HNF4A: variants seen among roughly 807,000 people sequenced by gnomAD.
HNF4A encodes hepatocyte nuclear factor 4 alpha.
HNF4A carries 15 observed loss-of-function variants against 52.4 expected under a neutral mutation model. The observed-to-expected ratio is 0.29, with a 90% confidence interval of 0.19 to 0.44. The LOEUF is 0.44. Among genes scored for constraint, HNF4A ranks in the 20% least tolerant of loss-of-function variants. The pLI is 1.00. For missense variants in HNF4A, 479 were observed against 647.2 expected, an observed-to-expected ratio of 0.74 and a Z score of 2.82; for synonymous variants, 280 against 264.4, an observed-to-expected ratio of 1.06 and a Z score of -0.57.
At chr20:44,404,868 T>C (rs202100053) in intron 1 of HNF4A, among the ~76,000 whole-genome samples, 63 of 8,886 alleles carry the variant, frequency 7.1e-3, no homozygotes, top group African/African-American at 0.015. Context: ...TGTGTGCGCG[T>C]GTGTGTGACT....
intron 1 of HNF4A, among the ~76,000 whole-genome samples, chr20:44,358,566 T>C (rs1428418430): frequency 2.0e-5 from 3 of 152,112 alleles, no homozygotes; most frequent in Non-Finnish European, 4.4e-5. Flanking sequence ...GCTGAGATCA[T>C]GCCACTGCCA....
At chr20:44,365,196 G>T (rs1399390700) in intron 1 of HNF4A, among the ~76,000 whole-genome samples, 1 of 151,934 alleles carries the variant, frequency 6.6e-6, no homozygotes, top group African/African-American at 2.4e-5. Flanking sequence ...TTTTGAAACA[G>T]GGTCTTGCTC....
At position 44,401,446 on chromosome 20, in the gene HNF4A, C is replaced by T; in HGVS notation, c.74C>T (p.Thr25Ile). 1.9e-6 allele frequency: 3 copies of T among 1,614,230 alleles called. No homozygotes were observed. The highest frequency in any genetic ancestry group is 2.5e-6 in the Non-Finnish European group (3 of 1,180,048). Residue 25 changes from threonine to isoleucine, a missense_variant, in exon 1 of 10, where the codon ACC becomes ATC. Around this residue, in one of 3 missense-constraint regions of HNF4A, gnomAD observed 90 missense variants for 105.5 expected, o/e 0.85. Transcript: ENST00000316099. Reference sequence around the variant, plus strand: ...GCTGCACTGGACCCAGCCTACACCACCCTGGAATTTGAGAATGTGCAGGTG... The same window carrying T: ...GCTGCACTGGACCCAGCCTACACCATCCTGGAATTTGAGAATGTGCAGGTG...
intron 1 of HNF4A, among the ~76,000 whole-genome samples, chr20:44,388,155 C>T (rs898034601): frequency 9.9e-5 from 15 of 151,690 alleles, no homozygotes; most frequent in Non-Finnish European, 1.6e-4. Context: ...GTGGCGCCAT[C>T]GTGGCTCACT....
At chr20:44,407,512 C>G in intron 3 of HNF4A, 37 bp downstream of exon 3, 1 of 1,313,532 alleles carries the variant, frequency 7.6e-7, no homozygotes, top group East Asian at 2.5e-5. Context: ...CACCACTGCC[C>G]CACCTGCACC....
At chr20:44,368,160 A>ATATATATTTT (rs1200638153) in intron 1 of HNF4A, among the ~76,000 whole-genome samples, 14 of 27,778 alleles carry the variant, frequency 5.0e-4, no homozygotes, top group African/African-American at 2.1e-3. Flanking sequence ...ATATATATAT[A>ATATATATTTT]TTTTTTTTTT....
intron 1 of HNF4A, among the ~76,000 whole-genome samples, chr20:44,403,954 G>A (rs2063446660): frequency 6.6e-6 from 1 of 152,130 alleles, no homozygotes; most frequent in Admixed American, 6.5e-5. Context: ...CGGGGGTCGG[G>A]GGAGGAGAGG....
chr20:44,375,317 G>T (rs1224939679), intron 1 of HNF4A, among the ~76,000 whole-genome samples: 3 of 152,050 alleles, frequency 2.0e-5, no homozygotes, highest in Non-Finnish European at 2.9e-5. Context: ...ACCTTTGTTG[G>T]ATTCAGAGTT....
chr20:44,362,237 T>C (rs2062924624), intron 1 of HNF4A, among the ~76,000 whole-genome samples: 1 of 151,970 alleles, frequency 6.6e-6, no homozygotes, highest in Middle Eastern at 3.2e-3. Flanking sequence ...CTAGTCAACA[T>C]GGTGAAACCC....
At chr20:44,415,498 C>T (rs2063650904) in intron 5 of HNF4A, among the ~76,000 whole-genome samples, 1 of 152,192 alleles carries the variant, frequency 6.6e-6, no homozygotes, top group South Asian at 2.1e-4. Context: ...GAAGCTCCTG[C>T]CCAGAGCACC....
chr20:44,387,979 C>T (rs1030283461), intron 1 of HNF4A, among the ~76,000 whole-genome samples: 2 of 152,024 alleles, frequency 1.3e-5, no homozygotes, highest in Admixed American at 1.3e-4. Context: ...TCTCTTTTGA[C>T]GACTGAGGAA....
intron 5 of HNF4A, among the ~76,000 whole-genome samples, chr20:44,415,042 T>C (rs1263155897): frequency 6.6e-6 from 1 of 152,148 alleles, no homozygotes; most frequent in Non-Finnish European, 1.5e-5. Context: ...CAGGGGGATG[T>C]TGACAGGGAC....
At chr20:44,381,381 A>G (rs2063151992) in intron 1 of HNF4A, among the ~76,000 whole-genome samples, 2 of 151,566 alleles carry the variant, frequency 1.3e-5, no homozygotes. Flanking sequence ...CCAGGGTTCA[A>G]ATGATTCTCC....
intron 1 of HNF4A, among the ~76,000 whole-genome samples, chr20:44,365,879 C>T (rs1479999191): frequency 1.3e-5 from 2 of 151,990 alleles, no homozygotes; most frequent in African/African-American, 2.4e-5. Flanking sequence ...TGGTGGTACA[C>T]GCCTGTAGTC....
chr20:44,418,382 C>T, intron 5 of HNF4A, 43 bp from the exon 6 acceptor site: 1 of 1,562,990 alleles, frequency 6.4e-7, no homozygotes, highest in Non-Finnish European at 8.8e-7. Flanking sequence ...GGGCAGCCTT[C>T]CCAAGGGTAC....
At chr20:44,428,884 T>C (rs1431762875) in intron 9 of HNF4A, among the ~76,000 whole-genome samples, 2 of 152,208 alleles carry the variant, frequency 1.3e-5, no homozygotes, top group African/African-American at 4.8e-5. Context: ...GGCTAGACCA[T>C]CCTCTGAAAC....
At chr20:44,412,058 A>G (rs1411704132) in intron 3 of HNF4A, among the ~76,000 whole-genome samples, 2 of 93,882 alleles carry the variant, frequency 2.1e-5, no homozygotes, top group Non-Finnish European at 4.8e-5. Flanking sequence ...CCCCATCTCG[A>G]AAAAAAAAAA....
At chr20:44,371,147 C>G (rs2063029519) in intron 1 of HNF4A, among the ~76,000 whole-genome samples, 2 of 152,230 alleles carry the variant, frequency 1.3e-5, no homozygotes, top group Admixed American at 1.3e-4. Flanking sequence ...GCGCTGGGAG[C>G]AGGTTGTGGT....
At chr20:44,357,116 C>T (rs1197763383) in intron 1 of HNF4A, among the ~76,000 whole-genome samples, 1 of 152,134 alleles carries the variant, frequency 6.6e-6, no homozygotes, top group African/African-American at 2.4e-5. Flanking sequence ...TCTCCTGACT[C>T]TAGTCAGGAA....
Sources: allele counts gnomAD v4.1 joint callset (sites outside exome capture counted in the v4.1 genomes callset), GRCh38; gene constraint gnomAD v4.1.1; regional missense constraint gnomAD v4.1.1; transcripts MANE v1.5; gene names NCBI Gene and HGNC (gene_info 2026-07-23, HGNC 2026-07-21).